Variants in CCDC73 observed in about 807,000 individuals in gnomAD.
The protein encoded by CCDC73 is coiled-coil domain-containing protein 73.
CCDC73 carries 95 observed loss-of-function variants against 116.5 expected under a neutral mutation model. That is an observed-to-expected ratio of 0.82 (90% CI 0.69 to 0.97). The LOEUF is 0.97. CCDC73 is among the 50% of genes least tolerant of loss of function. CCDC73 has a pLI of 0.00. For missense variants in CCDC73, 1,066 were observed against 1,206.8 expected, an observed-to-expected ratio of 0.88 and a Z score of 1.73; for synonymous variants, 398 against 401.3, an observed-to-expected ratio of 0.99 and a Z score of 0.10.
At chr11:32,641,858 G>A in intron 13 of CCDC73, 114 bp downstream of exon 13, 1 of 816,096 alleles carries the variant, frequency 1.2e-6, no homozygotes, top group Non-Finnish European at 1.7e-6. Flanking sequence ...AGAAAAAAAT[G>A]TGTCTGATTT....
chr11:32,629,921 C>CAAAA (rs367693675), intron 14 of CCDC73, among the ~76,000 whole-genome samples: 613 of 55,574 alleles, frequency 0.011, 44 homozygotes, highest in Non-Finnish European at 0.019. Context: ...AGCAGATATG[C>CAAAA]AAAAAAAAAA....
rs1488540656 is a variant in CCDC73 at position 32,653,141 on chromosome 11, C to A, written c.921G>T (p.Val307=). ...ANTEMEAELK[V]LKENNQTLER... Reference sequence around the variant, plus strand: ...AACGAACCTGATTATTTTCTTTTAGCACCTTCAATTCTGCCTCCATTTCAG... The same window carrying A: ...AACGAACCTGATTATTTTCTTTTAGAACCTTCAATTCTGCCTCCATTTCAG... Residue 307 remains valine (V), a synonymous_variant, in exon 12 of 18, where the codon GTG becomes GTT. Transcript: ENST00000335185. 6.2e-7 allele frequency: 1 copy of A among 1,607,648 alleles called. No individual in the cohort carries two copies. Among genetic ancestry groups the A allele is most frequent in the East Asian group, 2.2e-5 (1 of 44,602 alleles).
chr11:32,734,023 A>G (rs1007708259), intron 2 of CCDC73, among the ~76,000 whole-genome samples: 8 of 152,232 alleles, frequency 5.3e-5, no homozygotes, highest in African/African-American at 1.9e-4. Context: ...ATTAACCACT[A>G]GCAAGACTAA....
chr11:32,704,789 C>G (rs1408721124), intron 3 of CCDC73, among the ~76,000 whole-genome samples: 1 of 152,232 alleles, frequency 6.6e-6, no homozygotes, highest in East Asian at 1.9e-4. Flanking sequence ...ACTTCCTCCA[C>G]TCTGAGGCAA....
chr11:32,651,285 C>T (rs1855823912), intron 12 of CCDC73, among the ~76,000 whole-genome samples: 1 of 152,206 alleles, frequency 6.6e-6, no homozygotes, highest in African/African-American at 2.4e-5. Context: ...CAGACCCCCA[C>T]CAAGTCACCT....
chr11:32,736,401 C>T (rs1821907377), intron 2 of CCDC73, among the ~76,000 whole-genome samples: 1 of 152,050 alleles, frequency 6.6e-6, no homozygotes, highest in African/African-American at 2.4e-5. Context: ...CCAAAAGACA[C>T]ATGAAAAAAT....
chr11:32,627,436 G>A (rs934189375), intron 14 of CCDC73, among the ~76,000 whole-genome samples: 1 of 152,158 alleles, frequency 6.6e-6, no homozygotes, highest in Non-Finnish European at 1.5e-5. Flanking sequence ...TCTAGAAGTA[G>A]AAATACCATT....
chr11:32,680,836 T>C (rs1856137111), intron 7 of CCDC73: 1 of 151,976 alleles, frequency 6.6e-6, no homozygotes. Context: ...TTCTTCAATA[T>C]GAACCCAAAC....
chr11:32,655,758 T>A (rs780985728), intron 9 of CCDC73, among the ~76,000 whole-genome samples: 6 of 151,956 alleles, frequency 3.9e-5, no homozygotes, highest in Non-Finnish European at 8.8e-5. Flanking sequence ...AAGAATGACA[T>A]AACAAAATTT....
At chr11:32,717,173 C>A (rs1443767287) in intron 3 of CCDC73, among the ~76,000 whole-genome samples, 2 of 152,012 alleles carry the variant, frequency 1.3e-5, no homozygotes, top group Admixed American at 6.6e-5. Flanking sequence ...CTGATGTTAC[C>A]CCCAATTCCT....
chr11:32,659,296 A>T (rs1202481375), intron 9 of CCDC73, among the ~76,000 whole-genome samples: 1 of 152,194 alleles, frequency 6.6e-6, no homozygotes, highest in East Asian at 1.9e-4. Flanking sequence ...AGTTACAATA[A>T]GTCACAAAAG....
chr11:32,743,856 G>A (rs1475660698), intron 2 of CCDC73, among the ~76,000 whole-genome samples: 1 of 152,192 alleles, frequency 6.6e-6, no homozygotes, highest in African/African-American at 2.4e-5. Context: ...TCTGCAAACA[G>A]AGACAATTTG....
rs775483769 is a variant in CCDC73 at position 32,616,136 on chromosome 11, T to A, written c.1186-7A>T. The A allele has an allele frequency of 6.4e-7, 1 of 1,557,972 alleles. No individual in the cohort carries two copies. The highest frequency in any genetic ancestry group is 1.4e-5 in the African/African-American group (1 of 71,430). The stretch of plus-strand genomic sequence containing the variant: ...TATTTACTTCTGGAACATTCTAGTG[T>A]AAAATGGAAGAGATTCTTTTAAAAA... On this transcript the variant is annotated splice_polypyrimidine_tract_variant and splice_region_variant and intron_variant, in intron 14 of 17. Transcript: ENST00000335185.
intron 7 of CCDC73, 115 bp downstream of exon 7, chr11:32,683,421 A>ATTCAG (rs1341976023): frequency 4.2e-6 from 3 of 714,078 alleles, no homozygotes; most frequent in Non-Finnish European, 7.7e-6. Context: ...AGACAGTAAT[A>ATTCAG]TTCAGTTTCA....
intron 14 of CCDC73, among the ~76,000 whole-genome samples, chr11:32,631,707 T>C (rs1260869684): frequency 6.6e-6 from 1 of 151,994 alleles, no homozygotes; most frequent in African/African-American, 2.4e-5. Context: ...GCAAGCTAGC[T>C]GGTGTGGTGG....
intron 9 of CCDC73, among the ~76,000 whole-genome samples, chr11:32,673,833 T>A (rs1856060805): frequency 6.6e-6 from 1 of 152,192 alleles, no homozygotes; most frequent in Non-Finnish European, 1.5e-5. Context: ...TTCCACTGAC[T>A]AGCAGCACTG....
chr11:32,698,042 T>A (rs1162419529), intron 6 of CCDC73, among the ~76,000 whole-genome samples: 3 of 126,016 alleles, frequency 2.4e-5, no homozygotes, highest in African/African-American at 6.1e-5. Context: ...TTTTTTTTTT[T>A]GAGACGGAGT....
At chr11:32,655,089 C>CATATATCAAGATAATACGACTGGT (rs58867287) in intron 9 of CCDC73, 117 bp from the exon 10 acceptor site, 1 of 759,744 alleles carries the variant, frequency 1.3e-6, no homozygotes, top group South Asian at 2.2e-5. Context: ...TGTTATAATT[C>CATATATCAAGATAATACGACTGGT]CCTTGCAAGT....
At chr11:32,722,237 T>C (rs1180900923) in intron 2 of CCDC73, among the ~76,000 whole-genome samples, 1 of 152,204 alleles carries the variant, frequency 6.6e-6, no homozygotes, top group Admixed American at 6.5e-5. Context: ...ACTTTCATTT[T>C]AGGCATTAAC....
Sources: allele counts gnomAD v4.1 joint callset (sites outside exome capture counted in the v4.1 genomes callset), GRCh38; gene constraint gnomAD v4.1.1; transcripts MANE v1.5; gene names NCBI Gene and HGNC (gene_info 2026-07-23, HGNC 2026-07-21).